The following SBF2 variants were observed in gnomAD, a reference collection of about 807,000 sequenced individuals.
SBF2 encodes the protein SET binding factor 2.
SBF2 carries 112 observed loss-of-function variants against 225.2 expected under a neutral mutation model. The observed-to-expected ratio is 0.50, with a 90% CI of 0.43 to 0.58. The LOEUF (loss-of-function observed/expected upper bound fraction) is 0.58. Among genes scored for constraint, SBF2 ranks in the 20% least tolerant of loss-of-function variants. The pLI, the probability that SBF2 is intolerant of heterozygous loss-of-function variation, is 0.00. For synonymous variants in SBF2, 763 were observed against 773.3 expected, an observed-to-expected ratio of 0.99 and a Z score of 0.22; for missense variants, 1,996 against 2,206.2, an observed-to-expected ratio of 0.90 and a Z score of 1.91.
chr11:9,976,319 G>A (rs924849738), intron 13 of SBF2, among the ~76,000 whole-genome samples: 4 of 152,030 alleles, frequency 2.6e-5, no homozygotes, highest in African/African-American at 9.7e-5. Context: ...TGATCTGCCC[G>A]CCTCGGTCTT....
At chr11:9,871,554 C>T (rs71476853) in intron 17 of SBF2, among the ~76,000 whole-genome samples, 15 of 150,696 alleles carry the variant, frequency 1.0e-4, no homozygotes, top group East Asian at 5.8e-4. Flanking sequence ...TGCAGTGGCG[C>T]GATCTCGGAT....
chr11:9,911,029 A>G (rs1862570444), intron 16 of SBF2, among the ~76,000 whole-genome samples: 1 of 150,868 alleles, frequency 6.6e-6, no homozygotes, highest in African/African-American at 2.4e-5. Flanking sequence ...ACTGCACTCC[A>G]GCCTGGTGAC....
upstream of SBF2, among the ~76,000 whole-genome samples, chr11:10,297,185 CT>C (rs1964556708): frequency 6.6e-6 from 1 of 151,486 alleles, no homozygotes; most frequent in South Asian, 2.1e-4. Flanking sequence ...TTGTTATGCC[CT>C]ATTCCCCCCC....
chr11:9,990,670 A>AG (rs1197167995), intron 12 of SBF2, among the ~76,000 whole-genome samples: 1 of 152,210 alleles, frequency 6.6e-6, no homozygotes, highest in Non-Finnish European at 1.5e-5. Context: ...ATGAACACTA[A>AG]GGGGTGACTC....
intron 17 of SBF2, among the ~76,000 whole-genome samples, chr11:9,890,093 G>A (rs1302685192): frequency 6.6e-6 from 1 of 152,094 alleles, no homozygotes; most frequent in East Asian, 1.9e-4. Flanking sequence ...TAGTAGAGAT[G>A]GAGGTTTCGC....
intron 1 of SBF2, among the ~76,000 whole-genome samples, chr11:10,227,893 T>A (rs1036524209): frequency 2.6e-5 from 4 of 151,538 alleles, no homozygotes; most frequent in African/African-American, 9.7e-5. Flanking sequence ...TGGCATTGAA[T>A]CTGTAAATTA....
At chr11:10,103,692 T>A (rs909904505) in intron 2 of SBF2, among the ~76,000 whole-genome samples, 5 of 152,162 alleles carry the variant, frequency 3.3e-5, no homozygotes, top group Non-Finnish European at 5.9e-5. Flanking sequence ...ATGGCAACAG[T>A]AGAATGAAGG....
chr11:9,847,705 A>G (rs1175609939), intron 22 of SBF2, among the ~76,000 whole-genome samples: 2 of 152,136 alleles, frequency 1.3e-5, no homozygotes, highest in East Asian at 3.8e-4. Context: ...TTATTAAAGC[A>G]AACATGGGAA....
At chr11:9,984,205 T>G (rs1035545978) in intron 13 of SBF2, among the ~76,000 whole-genome samples, 4 of 152,142 alleles carry the variant, frequency 2.6e-5, no homozygotes, top group African/African-American at 9.7e-5. Context: ...TGGAGAAATA[T>G]TCATAGAAAT....
chr11:10,021,174 AT>A (rs1402868153), intron 6 of SBF2, among the ~76,000 whole-genome samples: 1 of 152,202 alleles, frequency 6.6e-6, no homozygotes, highest in Non-Finnish European at 1.5e-5. Context: ...TGTTGGATAC[AT>A]TTTCTAAAAC....
intron 1 of SBF2, among the ~76,000 whole-genome samples, chr11:10,289,652 C>G (rs540883895): frequency 6.6e-6 from 1 of 152,078 alleles, no homozygotes; most frequent in Non-Finnish European, 1.5e-5. Flanking sequence ...CCCAGGGATG[C>G]GGCCCTAGGC....
intron 3 of SBF2, 145 bp from the exon 4 acceptor site, chr11:10,031,315 AATAGACTTTAAG>A: frequency 1.3e-6 from 1 of 786,314 alleles, no homozygotes; most frequent in Non-Finnish European, 1.9e-6. Context: ...ACAAATAAAG[AATAGACTTTAAG>A]AGCATTCTAA....
At chr11:9,831,792 G>A (rs12574467) in intron 27 of SBF2, among the ~76,000 whole-genome samples, 12,425 of 152,166 alleles carry the variant, frequency 0.082, 593 homozygotes, top group East Asian at 0.15. Context: ...TTGTGTGTGC[G>A]TATGACTTGT....
At chr11:9,892,526 T>A (rs934225555) in intron 17 of SBF2, among the ~76,000 whole-genome samples, 2 of 151,678 alleles carry the variant, frequency 1.3e-5, no homozygotes, top group African/African-American at 4.8e-5. Context: ...TGCATTTTGT[T>A]CCTTTCTGTA....
At chr11:10,098,820 A>G (rs886734144) in intron 2 of SBF2, among the ~76,000 whole-genome samples, 2 of 152,024 alleles carry the variant, frequency 1.3e-5, no homozygotes, top group African/African-American at 4.8e-5. Context: ...ACAAACTCAA[A>G]AACAGGTCAT....
At position 9,853,806 on chromosome 11, in the gene SBF2, G is replaced by T. The variant is rs375686; in HGVS notation, c.2364-94C>A. 1 allele frequency: 1,171,269 copies of T among 1,174,296 alleles called. 584,176 individuals carry two copies. The highest frequency in any genetic ancestry group is 1 in the East Asian group (42,792 of 42,792). 72.7% of individuals were successfully genotyped at this position (1,174,296 alleles called of 1,614,324 possible). On this transcript the variant is annotated intron_variant, in intron 19 of 39. Coordinates refer to ENST00000256190, the MANE Select transcript of SBF2 (RefSeq NM_030962.4). ...AATTTACATAGCGACAGAAACATGA[G>T]CAAAGTGATGTCTACTCAAGTAGAA...
rs747325449 is a variant in SBF2, at chr11:9,853,627, G to T, written c.2449C>A (p.Arg817=). 1.2e-6 allele frequency: 2 copies of T among 1,613,634 alleles called. No homozygotes were observed. The highest frequency in any genetic ancestry group is 1.1e-5 in the South Asian group (1 of 91,068). Reference sequence around the variant, plus strand: ...TTGTCAATAAATCGGGTAATGAACCGCACAACAGAATTGGCAATGTCAGTA... The same window carrying T: ...TTGTCAATAAATCGGGTAATGAACCTCACAACAGAATTGGCAATGTCAGTA... ...ENTDIANSVV[R]FITRFIDKVC... is the part of the protein sequence containing the mutation. Residue 817 remains arginine, a synonymous_variant, in exon 20 of 40, where the codon CGG becomes AGG. Transcript: ENST00000256190.
At chr11:9,795,685 C>T in intron 33 of SBF2, 146 bp downstream of exon 33, 1 of 918,276 alleles carries the variant, frequency 1.1e-6, no homozygotes, top group South Asian at 1.5e-5. Context: ...CAGAATTTGG[C>T]CACTTATCCA....
chr11:10,136,433 T>G (rs1255242496), intron 2 of SBF2, among the ~76,000 whole-genome samples: 1 of 152,190 alleles, frequency 6.6e-6, no homozygotes, highest in Non-Finnish European at 1.5e-5. Flanking sequence ...TTTAGCCCCA[T>G]CTGCATTCTC....
Sources: gnomAD v4.1 joint callset for allele counts (sites outside exome capture counted in the v4.1 genomes callset) on GRCh38, gnomAD v4.1.1 for gene constraint, MANE v1.5 for transcripts, NCBI Gene and HGNC (gene_info 2026-07-23, HGNC 2026-07-21) for gene names.